CUBN: variants seen among roughly 807,000 people sequenced by gnomAD.
The protein encoded by CUBN is cubilin, also known as 460 kDa receptor.
CUBN carries 282 observed loss-of-function variants against 405.3 expected under a neutral mutation model. The ratio of observed to expected loss-of-function variants is 0.70; its 90% confidence interval spans 0.63 to 0.77. The LOEUF (loss-of-function observed/expected upper bound fraction) is 0.77. CUBN is among the 30% of genes least tolerant of loss of function. The pLI is 0.00. For synonymous variants in CUBN, 1,684 were observed against 1,617.0 expected, an observed-to-expected ratio of 1.04 and a Z score of -0.99; for missense variants, 4,514 against 4,475.2, an observed-to-expected ratio of 1.01 and a Z score of -0.25.
chr10:17,028,298 T>C (rs887636105), intron 27 of CUBN, among the ~76,000 whole-genome samples: 1 of 151,476 alleles, frequency 6.6e-6, no homozygotes, highest in Non-Finnish European at 1.5e-5. Flanking sequence ...CTGCAGATGG[T>C]CTCAGGAACA....
At chr10:16,983,108 T>A (rs3012488) in intron 30 of CUBN, among the ~76,000 whole-genome samples, 111,297 of 152,072 alleles carry the variant, frequency 0.73, 43,624 homozygotes, top group Non-Finnish European at 0.89. Flanking sequence ...TTAGGTTTTT[T>A]AAAATTCCTT....
At chr10:17,019,473 C>T (rs924980362) in intron 28 of CUBN, among the ~76,000 whole-genome samples, 14 of 152,154 alleles carry the variant, frequency 9.2e-5, no homozygotes, top group African/African-American at 3.4e-4. Flanking sequence ...AAGTCTCATT[C>T]TATTCCATTG....
chr10:17,032,187 G>T (rs983504628), intron 27 of CUBN, among the ~76,000 whole-genome samples: 5 of 152,342 alleles, frequency 3.3e-5, no homozygotes, highest in East Asian at 3.9e-4. Flanking sequence ...AAGTGTCCCA[G>T]GAAGAAGCTG....
intron 17 of CUBN, among the ~76,000 whole-genome samples, chr10:17,077,490 C>T (rs1835878515): frequency 6.6e-6 from 1 of 152,182 alleles, no homozygotes; most frequent in Non-Finnish European, 1.5e-5. Context: ...CATTTGTCTT[C>T]CTCTGCTATG....
intron 26 of CUBN, among the ~76,000 whole-genome samples, 198 bp from the exon 27 acceptor site, chr10:17,041,418 T>G (rs1327690691): frequency 6.6e-6 from 1 of 151,890 alleles, no homozygotes; most frequent in South Asian, 2.1e-4. Flanking sequence ...ATTTTCATAG[T>G]GAAAGGATTT....
At chr10:16,831,921 A>T (rs752344719) in intron 64 of CUBN, among the ~76,000 whole-genome samples, 24 of 152,230 alleles carry the variant, frequency 1.6e-4, no homozygotes, top group Non-Finnish European at 2.6e-4. Context: ...AATACAATGC[A>T]AAGTATAATA....
rs147451712 is a variant in CUBN at position 16,934,243 on chromosome 10, C to T, written c.5927-959G>A. On this transcript the variant is annotated intron_variant, in intron 39 of 66. Coordinates refer to ENST00000377833, the MANE Select transcript of CUBN (RefSeq NM_001081.4). ...AAATATGCCGCAGATTGCTATAAGGCTTTGGTCTATTTCCAGAGTTCTCAA... is the reference window on the plus strand; with the variant it reads ...AAATATGCCGCAGATTGCTATAAGGTTTTGGTCTATTTCCAGAGTTCTCAA... 6.0e-3 allele frequency among the ~76,000 whole-genome samples: 920 copies of T among 152,220 alleles called. 15 individuals are homozygous for T. Among genetic ancestry groups the T allele is most frequent in the African/African-American group, 0.021 (875 of 41,546 alleles).
Position 16,955,961 on chromosome 10 carries a change from A to C in CUBN, c.4696-1413T>G, listed in dbSNP as rs570378250. 5.3e-5 allele frequency among the ~76,000 whole-genome samples: 8 copies of C among 152,354 alleles called. No individual in the cohort carries two copies. The South Asian group carries it at 1.7e-3, about 32-fold the overall frequency. ...AATGTGACTGAAAGTATGAAGGTAA[A>C]ATATGGCCATTTCATTAAAAACAAA... On this transcript the variant is annotated intron_variant, in intron 31 of 66. Transcript: ENST00000377833.
At chr10:17,114,345 A>C (rs1225246444) in intron 7 of CUBN, among the ~76,000 whole-genome samples, 156 bp from the exon 8 acceptor site, 2 of 152,224 alleles carry the variant, frequency 1.3e-5, no homozygotes, top group Non-Finnish European at 2.9e-5. Flanking sequence ...ATGATTAAGC[A>C]TTTAGACCAG....
At chr10:16,933,540 C>T (rs534434547) in intron 39 of CUBN, among the ~76,000 whole-genome samples, 51 of 152,310 alleles carry the variant, frequency 3.3e-4, no homozygotes, top group African/African-American at 1.2e-3. Flanking sequence ...CATTTAATAT[C>T]AAGTGCTGAC....
At position 17,117,211 on chromosome 10, in the gene CUBN, T is replaced by C. The variant is rs77780032; in HGVS notation, c.594-1614A>G. On this transcript the variant is annotated intron_variant, in intron 6 of 66. Coordinates refer to ENST00000377833, the MANE Select transcript of CUBN (RefSeq NM_001081.4). ...TCCTCTTTGTCCTCCCATCTTTACA[T>C]AGAATATTTGTATAGAGAATTTAAT... 2.2e-4 allele frequency among the ~76,000 whole-genome samples: 34 copies of C among 152,182 alleles called. No homozygotes were observed. In the East Asian group the frequency reaches 6.0e-3, roughly 27 times the overall value.
At chr10:17,102,993 C>T (rs991603515) in intron 13 of CUBN, 132 bp downstream of exon 13, 24 of 693,676 alleles carry the variant, frequency 3.5e-5, no homozygotes, top group Middle Eastern at 3.8e-4. Context: ...AATGGCACTC[C>T]GTACTTAGTA....
chr10:16,840,561 A>C (rs1341609355), intron 61 of CUBN, 26 bp from the exon 62 acceptor site: 1 of 1,528,736 alleles, frequency 6.5e-7, no homozygotes, highest in South Asian at 1.2e-5. Context: ...AAAGCAACAC[A>C]GGAGACATTT....
In CUBN at chr10:17,011,847, T is replaced by C. The variant is rs533364060; in HGVS notation, c.4168+7986A>G. ...CCTTTAGCTAGACACAGAGCGCTGA[T>C]TGGTGCATTTACAAACCTTTAGCTA... On this transcript the variant is annotated intron_variant, in intron 28 of 66. Coordinates refer to ENST00000377833, the MANE Select transcript of CUBN (RefSeq NM_001081.4). Among the ~76,000 whole-genome samples, 18 of 141,060 alleles carry C rather than the reference T, an allele frequency of 1.3e-4. No individual in the cohort carries two copies. The South Asian group carries it at 2.7e-3, about 21-fold the overall frequency. 92.5% of individuals were successfully genotyped at this position (141,060 alleles called of 152,430 possible).
chr10:16,905,241 T>A (rs529879441), intron 50 of CUBN, among the ~76,000 whole-genome samples: 1 of 152,284 alleles, frequency 6.6e-6, no homozygotes, highest in South Asian at 2.1e-4. Context: ...GAAAAACGTG[T>A]CAGCATAATC....
In CUBN at chr10:16,937,734, A is replaced by AC; in HGVS notation, c.5783dup (p.Thr1929TyrfsTer4). 1 of 1,614,152 alleles carries AC rather than the reference A, an allele frequency of 6.2e-7. No individual in the cohort carries two copies. The highest frequency in any genetic ancestry group is 8.5e-7 in the Non-Finnish European group (1 of 1,180,004). On this transcript the variant is annotated frameshift_variant, in exon 39 of 67. Coordinates refer to ENST00000377833, the MANE Select transcript of CUBN (RefSeq NM_001081.4). LOFTEE classifies it high-confidence loss of function. The stretch of plus-strand genomic sequence containing the variant: ...TGGAGCTGAAAGATTCAGTCTGGGT[A>AC]CCACAGTAAGCTCCAATTAGGCGGG...
In CUBN at chr10:16,927,662, C is replaced by T. The variant is rs551168243; in HGVS notation, c.6271+495G>A. On this transcript the variant is annotated intron_variant, in intron 41 of 66. Transcript: ENST00000377833. The stretch of plus-strand genomic sequence containing the variant: ...TTTGAAAAGTCTCAATCATACTGTG[C>T]ATGATGGTATCCCATATATGGTGCC... Among the ~76,000 whole-genome samples the T allele has an allele frequency of 3.3e-5, 5 of 152,362 alleles. No homozygotes were observed. The South Asian group carries it at 6.2e-4, about 19-fold the overall frequency.
chr10:16,953,405 T>C (rs1474421163), intron 32 of CUBN, among the ~76,000 whole-genome samples: 3 of 152,212 alleles, frequency 2.0e-5, no homozygotes, highest in Admixed American at 1.3e-4. Flanking sequence ...CAGAGCTCTT[T>C]ACTACAGAAT....
At chr10:17,102,512 C>A (rs987670779) in intron 13 of CUBN, among the ~76,000 whole-genome samples, 1 of 150,816 alleles carries the variant, frequency 6.6e-6, no homozygotes, top group Non-Finnish European at 1.5e-5. Context: ...GTCTTGAATT[C>A]CTGACCTCAG....
Sources: allele counts gnomAD v4.1 joint callset (sites outside exome capture counted in the v4.1 genomes callset), GRCh38; gene constraint gnomAD v4.1.1; transcripts MANE v1.5; gene names NCBI Gene and HGNC (gene_info 2026-07-23, HGNC 2026-07-21).